Variants in KCNU1 observed in about 807,000 individuals in gnomAD.
The protein encoded by KCNU1 is potassium calcium-activated channel subfamily U member 1.
Under a neutral mutation model 126.8 loss-of-function variants are expected in KCNU1, and 93 were observed. That is an observed-to-expected ratio of 0.73 (90% CI 0.62 to 0.87). KCNU1 has a LOEUF of 0.87. KCNU1 is among the 40% of genes least tolerant of loss of function. KCNU1 has a pLI of 0.00. For missense variants in KCNU1, 1,330 were observed against 1,367.1 expected (o/e 0.97, Z 0.43); for synonymous variants, 523 against 494.2 (o/e 1.06, Z -0.77).
chr8:36,907,610 A>G (rs971399527), intron 20 of KCNU1, among the ~76,000 whole-genome samples: 11 of 152,224 alleles, frequency 7.2e-5, no homozygotes, highest in African/African-American at 2.7e-4. Flanking sequence ...AGGAGGGTAC[A>G]GTACAGTATT....
intron 18 of KCNU1, among the ~76,000 whole-genome samples, chr8:36,854,969 C>G (rs1046662730): frequency 1.3e-5 from 2 of 152,052 alleles, no homozygotes; most frequent in African/African-American, 4.8e-5. Context: ...TGTTAAACAC[C>G]TGGAACCAAG....
At chr8:36,789,299 TG>T (rs1802819662) in intron 2 of KCNU1, among the ~76,000 whole-genome samples, 1 of 151,890 alleles carries the variant, frequency 6.6e-6, no homozygotes, top group Non-Finnish European at 1.5e-5. Flanking sequence ...AAGGCTGCAG[TG>T]CTGCAGTGAG....
chr8:36,894,461 G>C (rs1807101704), intron 19 of KCNU1, among the ~76,000 whole-genome samples: 1 of 152,032 alleles, frequency 6.6e-6, no homozygotes, highest in African/African-American at 2.4e-5. Context: ...AATGTATCCA[G>C]ACAAAATAAA....
Position 36,841,096 on chromosome 8 carries a change from C to T in KCNU1, c.1703+93C>T, listed in dbSNP as rs1056769020. On this transcript the variant is annotated intron_variant, in intron 16 of 26. Transcript: ENST00000399881. ...GTGATTAAGAATTTTTCCAAAGATG[C>T]AGCTATAACTAAGCTTTTTCCCTTT... is the stretch of plus-strand genomic sequence containing the variant. The T allele has an allele frequency of 9.6e-6, 8 of 836,022 alleles. No homozygotes were observed. In the East Asian group the frequency reaches 1.3e-4, roughly 14 times the overall value. 51.8% of individuals were successfully genotyped at this position (836,022 alleles called of 1,614,324 possible). A position where few individuals can be genotyped will look rare whatever the true frequency, so the allele number is the denominator to read the frequency against.
intron 19 of KCNU1, among the ~76,000 whole-genome samples, chr8:36,870,912 C>T (rs1806078025): frequency 6.6e-6 from 1 of 152,112 alleles, no homozygotes; most frequent in South Asian, 2.1e-4. Flanking sequence ...CCCCAAGAGT[C>T]CCATTGGCAC....
intron 6 of KCNU1, among the ~76,000 whole-genome samples, chr8:36,808,085 C>T (rs908416773): frequency 4.6e-5 from 7 of 152,042 alleles, no homozygotes; most frequent in South Asian, 2.1e-4. Flanking sequence ...TTCACTGCTA[C>T]GTGTTTATGA....
rs1377201702 is a variant in KCNU1, at chr8:36,787,376, A to T, written c.266A>T (p.Asp89Val). The part of the protein sequence containing the change: ...RSLHFQGQFR[D>V]HIEMLLSAQT... ...CTCCACTTCCAGGGACAATTTCGTGATCATATAGAAATGTTGCTTTCAGCC... is the reference window on the plus strand; with the variant it reads ...CTCCACTTCCAGGGACAATTTCGTGTTCATATAGAAATGTTGCTTTCAGCC... The change falls in exon 2 of 27, where the codon GAT (aspartate) becomes GTT (valine). Residue 89 changes from aspartate (D) to valine (V), a missense_variant. This residue lies in a region of KCNU1 where 247 missense variants were observed against 255.4 expected (regional missense o/e 0.97). Transcript: ENST00000399881. 1 of 1,612,656 alleles carries T rather than the reference A, an allele frequency of 6.2e-7. No individual in the cohort carries two copies. Among genetic ancestry groups the T allele is most frequent in the Middle Eastern group, 1.7e-4 (1 of 6,060 alleles).
intron 18 of KCNU1, among the ~76,000 whole-genome samples, chr8:36,854,680 A>G (rs1013795421): frequency 5.3e-5 from 8 of 152,176 alleles, no homozygotes; most frequent in South Asian, 2.1e-4. Flanking sequence ...TATTTAAATT[A>G]GCTGATTTTA....
rs904883653 is a variant in KCNU1 at position 36,894,068 on chromosome 8, GTATT to G, written c.2010-11638_2010-11635del. ...ATTTTCGATTAACAAATGCCACTGA[GTATT>G]TGTGATATCTTTGGTCTATGCAAAT... is the stretch of plus-strand genomic sequence containing the variant. On this transcript the variant is annotated intron_variant, in intron 19 of 26. Transcript: ENST00000399881. Among the ~76,000 whole-genome samples the G allele has an allele frequency of 8.5e-5, 13 of 152,056 alleles. 1 individual carries two copies. The highest frequency in any genetic ancestry group is 3.1e-4 in the African/African-American group (13 of 41,418).
intron 5 of KCNU1, among the ~76,000 whole-genome samples, chr8:36,806,594 G>A (rs1258453819): frequency 2.0e-5 from 3 of 152,154 alleles, no homozygotes; most frequent in African/African-American, 7.2e-5. Flanking sequence ...TTCAATAGTT[G>A]TTGATAGAAT....
chr8:36,871,796 G>A (rs1585490051), intron 19 of KCNU1, among the ~76,000 whole-genome samples: 1 of 152,138 alleles, frequency 6.6e-6, no homozygotes, highest in African/African-American at 2.4e-5. Flanking sequence ...TGGGATGACT[G>A]ATCATTTACT....
At chr8:36,876,642 TCTC>T (rs1404146305) in intron 19 of KCNU1, among the ~76,000 whole-genome samples, 7 of 152,204 alleles carry the variant, frequency 4.6e-5, no homozygotes, top group Non-Finnish European at 8.8e-5. Context: ...TGCCTCAAGT[TCTC>T]CTCCTCCTCC....
intron 20 of KCNU1, among the ~76,000 whole-genome samples, chr8:36,908,756 T>C (rs571898553): frequency 8.5e-5 from 13 of 152,250 alleles, no homozygotes; most frequent in South Asian, 6.2e-4. Flanking sequence ...GTATATTCAA[T>C]TGAACCATAT....
At position 36,845,617 on chromosome 8, in the gene KCNU1, C is replaced by T. The variant is rs543181237; in HGVS notation, c.1741C>T (p.Arg581Cys). ...AAATCCACCTCCACAAGTGAGGATA[C>T]GTAAGAACACATTAGGGTTCTTTAT... ...ILNPPPQVRI[R>C]KNTLGFFIAE... is the part of the protein sequence containing the mutation. Residue 581 changes from arginine (R) to cysteine (C), a missense_variant, in exon 17 of 27, where the codon CGT becomes TGT. Transcript: ENST00000399881. 43 of 1,609,702 alleles carry T rather than the reference C, an allele frequency of 2.7e-5. No individual in the cohort carries two copies. The highest frequency in any genetic ancestry group is 6.6e-5 in the South Asian group (6 of 90,948).
At chr8:36,909,846 C>T (rs934620443) in intron 21 of KCNU1, among the ~76,000 whole-genome samples, 3 of 152,130 alleles carry the variant, frequency 2.0e-5, no homozygotes, top group Admixed American at 6.6e-5. Context: ...CCATGTTTTA[C>T]GGTCTTTGTA....
rs1428255030 is a variant in KCNU1 at position 36,845,856 on chromosome 8, T to TA, written c.1849dup (p.Thr617AsnfsTer59). 1.2e-6 allele frequency: 2 copies of TA among 1,608,954 alleles called. No homozygotes were observed. Among genetic ancestry groups the TA allele is most frequent in the Non-Finnish European group, 1.7e-6 (2 of 1,177,224 alleles). ...ATGATGTGTTCATTCCTGAGCTAATTACAAACTGTGGCTGCAAAAGCAGAA... is the reference window on the plus strand; with the variant it reads ...ATGATGTGTTCATTCCTGAGCTAATTAACAAACTGTGGCTGCAAAAGCAGAA... On this transcript the variant is annotated frameshift_variant, in exon 18 of 27. Transcript: ENST00000399881. LOFTEE classifies it high-confidence loss of function.
intron 24 of KCNU1, among the ~76,000 whole-genome samples, chr8:36,929,861 G>T (rs1808646948): frequency 6.6e-6 from 1 of 152,064 alleles, no homozygotes; most frequent in African/African-American, 2.4e-5. Context: ...TCTGATTTGT[G>T]TTTCTGGGAA....
intron 2 of KCNU1, among the ~76,000 whole-genome samples, chr8:36,794,131 C>T (rs1190670138): frequency 6.7e-6 from 1 of 148,862 alleles, no homozygotes; most frequent in Non-Finnish European, 1.5e-5. Flanking sequence ...TAAATGAAAG[C>T]AAGTCACAGG....
At chr8:36,918,723 T>C in intron 22 of KCNU1, 100 bp from the exon 23 acceptor site, 1 of 780,144 alleles carries the variant, frequency 1.3e-6, no homozygotes, top group East Asian at 2.5e-5. Context: ...AAAGTAACTT[T>C]GCTAAGATAA....
Sources: allele counts gnomAD v4.1 joint callset (sites outside exome capture counted in the v4.1 genomes callset), GRCh38; gene constraint gnomAD v4.1.1; regional missense constraint gnomAD v4.1.1; transcripts MANE v1.5; gene names NCBI Gene and HGNC (gene_info 2026-07-23, HGNC 2026-07-21).